MOCOS: variants seen among roughly 807,000 people sequenced by gnomAD.
MOCOS encodes molybdenum cofactor sulfurase.
A neutral mutation model predicts 83.6 loss-of-function variants in MOCOS; 86 were observed. The observed-to-expected ratio is 1.03, with a 90% CI of 0.86 to 1.23. MOCOS has a LOEUF of 1.23. Ranked by LOEUF, MOCOS falls within the 50% of genes most tolerant of loss-of-function variation. The pLI, the probability that MOCOS is intolerant of heterozygous loss-of-function variation, is 0.00. For missense variants in MOCOS, 1,120 were observed against 1,126.9 expected, an observed-to-expected ratio of 0.99 and a Z score of 0.09; for synonymous variants, 445 against 434.7, an observed-to-expected ratio of 1.02 and a Z score of -0.29.
Position 36,213,407 on chromosome 18 carries a change from T to G in MOCOS, c.1260T>G (p.Thr420=). ...MASLYNIHLR[T]GCFCNTGACQ... ...GTCTTTACAACATCCACCTGCGAAC[T>G]GGCTGCTTCTGTAACACTGGGGCCT... Residue 420 remains threonine, a synonymous_variant, in exon 7 of 15, where the codon ACT becomes ACG. Coordinates refer to ENST00000261326, the MANE Select transcript of MOCOS (RefSeq NM_017947.4). 1 of 1,614,106 alleles carries G rather than the reference T, an allele frequency of 6.2e-7. No homozygotes were observed. Among genetic ancestry groups the G allele is most frequent in the Non-Finnish European group, 8.5e-7 (1 of 1,180,006 alleles).
rs143945182 is a variant in MOCOS, at chr18:36,235,080, C to T, written c.1961-13842C>T. 8.6e-3 allele frequency among the ~76,000 whole-genome samples: 1,304 copies of T among 152,192 alleles called. 13 individuals are homozygous for T. The highest frequency in any genetic ancestry group is 0.03 in the African/African-American group (1,237 of 41,540). Reference sequence around the variant, plus strand: ...CCCTCCCAAATCTCATGTCTTTTAACATTTCAAAACCAATCATGCCTTCTC... The same window carrying T: ...CCCTCCCAAATCTCATGTCTTTTAATATTTCAAAACCAATCATGCCTTCTC... On this transcript the variant is annotated intron_variant, in intron 9 of 14. Transcript: ENST00000261326.
At chr18:36,220,267 A>G (rs2091491170) in intron 9 of MOCOS, 50 bp downstream of exon 9, 3 of 1,604,992 alleles carry the variant, frequency 1.9e-6, no homozygotes, top group Admixed American at 3.4e-5. Context: ...AGCAGCTTTT[A>G]TATTCATATG....
chr18:36,254,606 TAC>T (rs981319637), intron 11 of MOCOS, among the ~76,000 whole-genome samples: 1 of 150,902 alleles, frequency 6.6e-6, no homozygotes, highest in African/African-American at 2.4e-5. Context: ...TATATATATA[TAC>T]ACACACACAT....
chr18:36,245,901 T>A (rs2091600560), intron 9 of MOCOS, among the ~76,000 whole-genome samples: 1 of 152,186 alleles, frequency 6.6e-6, no homozygotes, highest in Admixed American at 6.5e-5. Context: ...TTTCTTCTAC[T>A]TTTTCAATAC....
At chr18:36,251,131 T>G in intron 10 of MOCOS, 28 bp from the exon 11 acceptor site, 1 of 1,603,394 alleles carries the variant, frequency 6.2e-7, no homozygotes, top group Non-Finnish European at 8.5e-7. Context: ...TATGTAACAG[T>G]TCACTCTTTC....
In MOCOS at chr18:36,271,875, A is replaced by T. The variant is rs556084862; in HGVS notation, c.*3190A>T. The T allele has an allele frequency of 2.0e-5, 3 of 152,306 alleles. No homozygotes were observed. Among genetic ancestry groups the T allele is most frequent in the Admixed American group, 6.5e-5 (1 of 15,294 alleles). 9.4% of individuals were successfully genotyped at this position (152,306 alleles called of 1,614,324 possible). On this transcript the variant is annotated 3_prime_UTR_variant, in exon 15 of 15. Coordinates refer to ENST00000261326, the MANE Select transcript of MOCOS (RefSeq NM_017947.4). ...GTGATATACATTTTCTGCTGTTGAA[A>T]GATGTCCGCTTATCCTTCTCTTTCA...
Position 36,195,332 on chromosome 18 carries a change from T to G in MOCOS, c.218T>G (p.Met73Arg). Residue 73 changes from methionine to arginine, a missense_variant, in exon 2 of 15, where the codon ATG becomes AGG. Coordinates refer to ENST00000261326, the MANE Select transcript of MOCOS (RefSeq NM_017947.4). The stretch of plus-strand genomic sequence containing the variant: ...CTCGAAAGCTTCACTAGTGATCTCA[T>G]GGAAAACACTTATGGTAAAGAAAAA... ...SQLESFTSDL[M>R]ENTYGNPHSQ... 1.2e-6 allele frequency: 2 copies of G among 1,613,990 alleles called. No homozygotes were observed. Among genetic ancestry groups the G allele is most frequent in the South Asian group, 2.2e-5 (2 of 91,076 alleles).
At chr18:36,249,113 G>A in intron 10 of MOCOS, 113 bp downstream of exon 10, 2 of 936,156 alleles carry the variant, frequency 2.1e-6, no homozygotes, top group Non-Finnish European at 3.4e-6. Context: ...TCCAGTTGCT[G>A]TCCATTTCTC....
rs567893366 is a variant in MOCOS at position 36,192,557 on chromosome 18, A to G, written c.143-2700A>G. Among the ~76,000 whole-genome samples the G allele has an allele frequency of 2.6e-5, 4 of 152,348 alleles. No homozygotes were observed. In the South Asian group the frequency reaches 8.3e-4, roughly 32 times the overall value. ...AATATACAGATTCAATGAAATGCCT[A>G]TCAAAATCCCAGCTGCCTTTTTGCA... On this transcript the variant is annotated intron_variant, in intron 1 of 14. Coordinates refer to ENST00000261326, the MANE Select transcript of MOCOS (RefSeq NM_017947.4).
chr18:36,243,824 T>C (rs1318555152), intron 9 of MOCOS, among the ~76,000 whole-genome samples: 1 of 152,188 alleles, frequency 6.6e-6, no homozygotes, highest in African/African-American at 2.4e-5. Flanking sequence ...TAGTTTCTAT[T>C]TCTTCCTGGT....
At chr18:36,189,944 C>G (rs2091358421) in intron 1 of MOCOS, 1 of 152,230 alleles carries the variant, frequency 6.6e-6, no homozygotes, top group Non-Finnish European at 1.5e-5. Context: ...AGCCAGGATT[C>G]AAGTCTGGGT....
intron 6 of MOCOS, among the ~76,000 whole-genome samples, chr18:36,211,750 C>T (rs916461798): frequency 6.6e-6 from 1 of 152,132 alleles, no homozygotes; most frequent in Non-Finnish European, 1.5e-5. Flanking sequence ...CTTCTGCTCA[C>T]ATCCTCTCCT....
At chr18:36,199,073 A>G (rs2091401398) in intron 3 of MOCOS, among the ~76,000 whole-genome samples, 1 of 152,176 alleles carries the variant, frequency 6.6e-6, no homozygotes, top group Non-Finnish European at 1.5e-5. Flanking sequence ...TTTCAGAAAG[A>G]AGAAAAGTAC....
intron 13 of MOCOS, among the ~76,000 whole-genome samples, chr18:36,265,734 C>T (rs573732730): frequency 1.4e-3 from 106 of 75,134 alleles, no homozygotes; most frequent in African/African-American, 4.6e-3. Context: ...GGCGTGGGTA[C>T]GTATGGATAT....
intron 6 of MOCOS, among the ~76,000 whole-genome samples, chr18:36,206,619 C>T (rs2091435836): frequency 6.6e-6 from 1 of 152,168 alleles, no homozygotes; most frequent in Non-Finnish European, 1.5e-5. Flanking sequence ...AAGGTAGTTT[C>T]TCAATCTTCC....
Position 36,215,684 on chromosome 18 carries a change from C to G in MOCOS, c.1504C>G (p.His502Asp), listed in dbSNP as rs1371310960. 1 of 1,614,198 alleles carries G rather than the reference C, an allele frequency of 6.2e-7. No homozygotes were observed. Among genetic ancestry groups the G allele is most frequent in the Middle Eastern group, 1.6e-4 (1 of 6,062 alleles). Residue 502 changes from histidine (H) to aspartate (D), a missense_variant, in exon 8 of 15, where the codon CAT becomes GAT. Physicochemically the swap from His to Asp is moderately conservative, Grantham distance 81. Coordinates refer to ENST00000261326, the MANE Select transcript of MOCOS (RefSeq NM_017947.4). ...AGGGGACTGGCCTGTCCCTCAGGCC[C>G]ATGCTGACACCGGGGAGACTGGAGC... ...SSGDWPVPQA[H>D]ADTGETGAPS...
At chr18:36,259,553 C>CA (rs11302704) in intron 12 of MOCOS, among the ~76,000 whole-genome samples, 9,124 of 141,400 alleles carry the variant, frequency 0.065, 329 homozygotes, top group South Asian at 0.16. Context: ...TTTTAATACC[C>CA]AAAAAAAAAA....
intron 7 of MOCOS, 51 bp downstream of exon 7, chr18:36,213,533 A>G (rs1423462169): frequency 6.7e-7 from 1 of 1,484,882 alleles, no homozygotes; most frequent in South Asian, 1.1e-5. Flanking sequence ...ACCCAGCAAC[A>G]CCTGTTGCTG....
intron 9 of MOCOS, among the ~76,000 whole-genome samples, chr18:36,239,867 T>G (rs1440849633): frequency 1.3e-5 from 2 of 152,122 alleles, no homozygotes; most frequent in African/African-American, 4.8e-5. Context: ...TTTTCCTTCT[T>G]GCTTCATTTC....
Sources: allele counts gnomAD v4.1 joint callset (sites outside exome capture counted in the v4.1 genomes callset), GRCh38; gene constraint gnomAD v4.1.1; transcripts MANE v1.5; gene names NCBI Gene and HGNC (gene_info 2026-07-23, HGNC 2026-07-21).